Variants in BAG3 observed in about 807,000 individuals in gnomAD.
The protein encoded by BAG3 is BAG family molecular chaperone regulator 3.
In BAG3, 14 loss-of-function variants were observed where a neutral mutation model predicts 40.5. The observed-to-expected ratio is 0.35, with a 90% CI of 0.23 to 0.54. The LOEUF is 0.54. Among genes scored for constraint, BAG3 ranks in the 20% least tolerant of loss-of-function variants. The probability of loss-of-function intolerance (pLI) is 0.91; values close to 1 mark genes in which losing one functional copy is unlikely to be tolerated. For synonymous variants in BAG3, 302 were observed against 307.8 expected (o/e 0.98, Z 0.20); for missense variants, 788 against 758.6 (o/e 1.04, Z -0.46).
rs571354779 is a variant in BAG3 at position 119,658,098 on chromosome 10, T to G, written c.180+6243T>G. 1.1e-4 allele frequency among the ~76,000 whole-genome samples: 16 copies of G among 152,374 alleles called. No homozygotes were observed. In the South Asian group the frequency reaches 2.9e-3, roughly 28 times the overall value. ...TCAATTGGAGAACAAACGTTTGCTG[T>G]TTTAAAGTATCTTCCTCAGTGTTTA... is the stretch of plus-strand genomic sequence containing the variant. On this transcript the variant is annotated intron_variant, in intron 1 of 3. Transcript: ENST00000369085.
rs142476531 is a variant in BAG3, at chr10:119,670,680, G to A, written c.507+503G>A. 4.8e-3 allele frequency among the ~76,000 whole-genome samples: 727 copies of A among 152,228 alleles called. 8 individuals carry two copies. The highest frequency in any genetic ancestry group is 0.016 in the African/African-American group (683 of 41,526). ...ATGAGACCCCATGCCTGCCCTCACCGTGCACCACAGTTTCAAAAGAAATAA... is the reference window on the plus strand; with the variant it reads ...ATGAGACCCCATGCCTGCCCTCACCATGCACCACAGTTTCAAAAGAAATAA... On this transcript the variant is annotated intron_variant, in intron 2 of 3. Coordinates refer to ENST00000369085, the MANE Select transcript of BAG3 (RefSeq NM_004281.4).
rs1431206647 is a variant in BAG3, at chr10:119,677,366, A to G, written c.*84A>G. On this transcript the variant is annotated 3_prime_UTR_variant, in exon 4 of 4. Transcript: ENST00000369085. Reference sequence around the variant, plus strand: ...GCATGCATTTCAGAGACTTTAAGTCAGTTGGTTTTTATTAGCTGCTTGGTA... The same window carrying G: ...GCATGCATTTCAGAGACTTTAAGTCGGTTGGTTTTTATTAGCTGCTTGGTA... The G allele has an allele frequency of 6.4e-7, 1 of 1,567,552 alleles. No homozygotes were observed. The highest frequency in any genetic ancestry group is 8.7e-7 in the Non-Finnish European group (1 of 1,148,498).
In BAG3 at chr10:119,677,722, G is replaced by A. The variant is rs934587164; in HGVS notation, c.*440G>A. The stretch of plus-strand genomic sequence containing the variant: ...TAATTAAAATACCTGACTTTAGAGA[G>A]AGTAAAATGTGCCAGGAGCCATAGG... On this transcript the variant is annotated 3_prime_UTR_variant, in exon 4 of 4. Coordinates refer to ENST00000369085, the MANE Select transcript of BAG3 (RefSeq NM_004281.4). 1 of 199,670 alleles carries A rather than the reference G, an allele frequency of 5.0e-6. No homozygotes were observed. Among genetic ancestry groups the A allele is most frequent in the Non-Finnish European group, 1.0e-5 (1 of 95,724 alleles). The allele number at this position is 199,670 out of a possible 1,614,324, so 12.4% of individuals were successfully genotyped here. A position where few individuals can be genotyped will look rare whatever the true frequency, so the allele number is the denominator to read the frequency against.
At chr10:119,676,152 A>C (rs1221837607) in intron 3 of BAG3, among the ~76,000 whole-genome samples, 1 of 151,224 alleles carries the variant, frequency 6.6e-6, no homozygotes, top group Non-Finnish European at 1.5e-5. Flanking sequence ...AGCTATTTTC[A>C]TTTTTGAAAA....
intron 2 of BAG3, among the ~76,000 whole-genome samples, chr10:119,671,654 G>C (rs761382550): frequency 2.0e-5 from 3 of 152,240 alleles, no homozygotes; most frequent in Non-Finnish European, 4.4e-5. Context: ...GAGCAGCCCA[G>C]TGAGGGAGGG....
intron 1 of BAG3, among the ~76,000 whole-genome samples, chr10:119,665,144 A>ATTTTT (rs1161102936): frequency 3.4e-5 from 3 of 88,790 alleles, no homozygotes; most frequent in African/African-American, 1.3e-4. Flanking sequence ...ATATATATAT[A>ATTTTT]TTTTTTTTTT....
At chr10:119,654,878 A>G (rs1276597827) in intron 1 of BAG3, among the ~76,000 whole-genome samples, 1 of 152,176 alleles carries the variant, frequency 6.6e-6, no homozygotes, top group Non-Finnish European at 1.5e-5. Context: ...GGGCCGCTCT[A>G]GCTCCATGGA....
Position 119,651,891 on chromosome 10 carries a change from G to T in BAG3, c.180+36G>T, listed in dbSNP as rs375604400. 135 of 1,479,264 alleles carry T rather than the reference G, an allele frequency of 9.1e-5. 1 individual carries two copies. In the African/African-American group the frequency reaches 1.7e-3, roughly 19 times the overall value. The allele number at this position is 1,479,264 out of a possible 1,614,324, so 91.6% of individuals were successfully genotyped here. A position where few individuals can be genotyped will look rare whatever the true frequency, so the allele number is the denominator to read the frequency against. Reference sequence around the variant, plus strand: ...CCCGCGGCCCGCCCTGGTCGGTGGCGCCACCTCGACGGCAGGCGGCGGGGA... The same window carrying T: ...CCCGCGGCCCGCCCTGGTCGGTGGCTCCACCTCGACGGCAGGCGGCGGGGA... On this transcript the variant is annotated intron_variant, in intron 1 of 3. Coordinates refer to ENST00000369085, the MANE Select transcript of BAG3 (RefSeq NM_004281.4).
At chr10:119,675,851 C>CTTCCTTCCCTCCTTCCCCCT (rs1443364504) in intron 3 of BAG3, among the ~76,000 whole-genome samples, 2 of 64,218 alleles carry the variant, frequency 3.1e-5, no homozygotes, top group South Asian at 1.5e-3. Flanking sequence ...TCCTTCCTTC[C>CTTCCTTCCCTCCTTCCCCCT]TGCCCCCTTC....
chr10:119,661,187 G>C (rs1293737270), intron 1 of BAG3, among the ~76,000 whole-genome samples: 1 of 152,194 alleles, frequency 6.6e-6, no homozygotes, highest in African/African-American at 2.4e-5. Context: ...TTGAACTCGG[G>C]AGGCGGAGGT....
chr10:119,665,092 T>TGTGTGTGTGTGTGTGTGTGTGTGTG (rs34372634), intron 1 of BAG3, among the ~76,000 whole-genome samples: 1 of 87,970 alleles, frequency 1.1e-5, no homozygotes, highest in Non-Finnish European at 2.3e-5. Flanking sequence ...TAATTTTTGT[T>TGTGTGTGTGTGTGTGTGTGTGTGTG]TGTGTGTGTG....
rs2134068749 is a variant in BAG3, at chr10:119,676,563, A to G, written c.1009A>G (p.Ile337Val). The change falls in exon 4 of 4, where the codon ATC becomes GTC. Residue 337 changes from isoleucine (I) to valine (V), a missense_variant. Physicochemically the swap from Ile to Val is conservative, Grantham distance 29. Transcript: ENST00000369085. ...PVGPELPPGH[I>V]PIQVIRKEVD... The stretch of plus-strand genomic sequence containing the variant: ...TGGACCAGAACTCCCTCCTGGACAC[A>G]TCCCAATTCAAGTGATCCGCAAAGA... 1 of 1,614,018 alleles carries G rather than the reference A, an allele frequency of 6.2e-7. No individual in the cohort carries two copies. Among genetic ancestry groups the G allele is most frequent in the Non-Finnish European group, 8.5e-7 (1 of 1,180,010 alleles).
rs771633629 is a variant in BAG3, at chr10:119,651,811, A to T, written c.136A>T (p.Thr46Ser). The change falls in exon 1 of 4, where the codon ACC becomes TCC. Residue 46 changes from threonine (T) to serine (S), a missense_variant. Physicochemically the swap from Thr to Ser is moderately conservative, Grantham distance 58 (BLOSUM62 1). Transcript: ENST00000369085. ...WPFFVDHNSR[T>S]TTWNDPRVPS... ...CTTCTTCGTGGACCACAACAGCCGCACCACTACGTGGAACGACCCGCGCGT... is the reference window on the plus strand; with the variant it reads ...CTTCTTCGTGGACCACAACAGCCGCTCCACTACGTGGAACGACCCGCGCGT... The T allele has an allele frequency of 6.3e-7, 1 of 1,596,086 alleles. No homozygotes were observed. Among genetic ancestry groups the T allele is most frequent in the Non-Finnish European group, 8.5e-7 (1 of 1,172,048 alleles).
At chr10:119,661,042 G>A (rs125585) in intron 1 of BAG3, among the ~76,000 whole-genome samples, 52,654 of 151,678 alleles carry the variant, frequency 0.35, 9,306 homozygotes, top group Middle Eastern at 0.4. Flanking sequence ...GTGGTGAGCC[G>A]AGATCATGCC....
chr10:119,657,246 C>T (rs906156042), intron 1 of BAG3, among the ~76,000 whole-genome samples: 1 of 152,218 alleles, frequency 6.6e-6, no homozygotes, highest in African/African-American at 2.4e-5. Context: ...ATATAGAGGA[C>T]AAGTCTGCCC....
intron 1 of BAG3, among the ~76,000 whole-genome samples, chr10:119,654,184 G>A (rs1846880577): frequency 6.6e-6 from 1 of 152,174 alleles, no homozygotes; most frequent in African/African-American, 2.4e-5. Flanking sequence ...GAAAATCCTT[G>A]AATATCATTT....
chr10:119,672,109 C>T lies in BAG3; in HGVS notation c.508-146C>T, dbSNP rs375875930. 53 of 1,179,240 alleles carry T rather than the reference C, an allele frequency of 4.5e-5. No individual in the cohort carries two copies. Among genetic ancestry groups the T allele is most frequent in the African/African-American group, 3.8e-4 (25 of 66,444 alleles). 73.0% of individuals were successfully genotyped at this position (1,179,240 alleles called of 1,614,324 possible). On this transcript the variant is annotated intron_variant, in intron 2 of 3. Transcript: ENST00000369085. This position sits in a 1 kb window ranked among gnomAD's most constrained non-coding sequence, Gnocchi z 4.8. Reference sequence around the variant, plus strand: ...CAGCCCCAGAGCTCTCAGTCTTAACCGCACATTTTGAAAATTGAAAATTAC... The same window carrying T: ...CAGCCCCAGAGCTCTCAGTCTTAACTGCACATTTTGAAAATTGAAAATTAC...
At chr10:119,659,596 A>T (rs1209245566) in intron 1 of BAG3, among the ~76,000 whole-genome samples, 15 of 152,208 alleles carry the variant, frequency 9.9e-5, no homozygotes, top group Admixed American at 9.8e-4. Flanking sequence ...CAGGGGTCTC[A>T]CCGTCCATCA....
chr10:119,656,606 T>C (rs1846916858), intron 1 of BAG3: 1 of 152,142 alleles, frequency 6.6e-6, no homozygotes, highest in African/African-American at 2.4e-5. Flanking sequence ...TTCATCTGTA[T>C]GCATCATGTG....
Sources: allele counts gnomAD v4.1 joint callset (sites outside exome capture counted in the v4.1 genomes callset), GRCh38; gene constraint gnomAD v4.1.1; non-coding constraint Gnocchi (gnomAD v3.1); transcripts MANE v1.5; gene names NCBI Gene and HGNC (gene_info 2026-07-23, HGNC 2026-07-21).